The following ANO3 variants were observed in gnomAD, a reference collection of about 807,000 sequenced individuals.
ANO3 encodes anoctamin-3.
Under a neutral mutation model 144.8 loss-of-function variants are expected in ANO3, and 99 were observed. The ratio of observed to expected loss-of-function variants is 0.68; its 90% CI spans 0.58 to 0.81. ANO3 has a LOEUF of 0.81. ANO3 is among the 30% of genes least tolerant of loss of function. The pLI is 0.00. For synonymous variants in ANO3, 414 were observed against 392.6 expected, an observed-to-expected ratio of 1.05 and a Z score of -0.64; for missense variants, 905 against 1,202.2, an observed-to-expected ratio of 0.75 and a Z score of 3.66.
intron 1 of ANO3, among the ~76,000 whole-genome samples, chr11:26,234,200 G>A (rs1852465394): frequency 1.3e-5 from 2 of 152,158 alleles, no homozygotes; most frequent in Admixed American, 6.5e-5. Flanking sequence ...GGTAACCATT[G>A]CGTTTTCCTT....
intron 1 of ANO3, among the ~76,000 whole-genome samples, chr11:26,344,655 C>G (rs974415187): frequency 3.3e-5 from 5 of 151,910 alleles, no homozygotes; most frequent in African/African-American, 1.2e-4. Flanking sequence ...GTGAGCCACC[C>G]CGCCCCACCA....
intron 1 of ANO3, among the ~76,000 whole-genome samples, chr11:26,367,706 T>C (rs1305131816): frequency 6.6e-6 from 1 of 152,182 alleles, no homozygotes; most frequent in South Asian, 2.1e-4. Context: ...TGGCTTGTAG[T>C]TCTGCAGGCT....
chr11:26,278,685 T>C (rs1258152917), intron 1 of ANO3, among the ~76,000 whole-genome samples: 1 of 152,142 alleles, frequency 6.6e-6, no homozygotes. Flanking sequence ...AAACTTCAAA[T>C]ACAAACAGTA....
chr11:26,197,576 C>T (rs1472151560), intron 1 of ANO3, among the ~76,000 whole-genome samples: 1 of 152,082 alleles, frequency 6.6e-6, no homozygotes, highest in Non-Finnish European at 1.5e-5. Context: ...TGGTCTTGAT[C>T]TCCTGACCTT....
chr11:26,193,453 C>T (rs1851518836), intron 1 of ANO3, among the ~76,000 whole-genome samples: 1 of 152,098 alleles, frequency 6.6e-6, no homozygotes, highest in Admixed American at 6.6e-5. Context: ...TTTTGCCTAT[C>T]TTTAGATGAC....
chr11:26,223,656 T>C (rs754744881), intron 1 of ANO3, among the ~76,000 whole-genome samples: 1 of 143,924 alleles, frequency 6.9e-6, no homozygotes, highest in Non-Finnish European at 1.5e-5. Flanking sequence ...AGAAAAGAGG[T>C]TTAATTGGCT....
intron 1 of ANO3, among the ~76,000 whole-genome samples, chr11:26,347,345 A>G (rs1420665355): frequency 6.6e-6 from 1 of 152,230 alleles, no homozygotes; most frequent in Non-Finnish European, 1.5e-5. Flanking sequence ...TTGATTATCA[A>G]AACTATTAAT....
chr11:26,599,095 A>T, intron 16 of ANO3, 97 bp downstream of exon 16: 1 of 1,300,200 alleles, frequency 7.7e-7, no homozygotes, highest in Non-Finnish European at 1.1e-6. Context: ...AGAATGTCAG[A>T]AACCTTATTC....
At chr11:26,419,689 G>T (rs867589217) in intron 1 of ANO3, among the ~76,000 whole-genome samples, 16 of 152,012 alleles carry the variant, frequency 1.1e-4, no homozygotes, top group African/African-American at 3.9e-4. Context: ...GCTAATAAAT[G>T]AATGGAAACA....
At chr11:26,362,972 CAAG>C (rs1855967305) in intron 1 of ANO3, among the ~76,000 whole-genome samples, 2 of 152,230 alleles carry the variant, frequency 1.3e-5, no homozygotes, top group African/African-American at 4.8e-5. Flanking sequence ...ATGTGTCAGT[CAAG>C]AACAAACCAT....
In ANO3 at chr11:26,425,597, A is replaced by G. The variant is rs565448752; in HGVS notation, c.47-16321A>G. 3.3e-5 allele frequency among the ~76,000 whole-genome samples: 5 copies of G among 152,224 alleles called. No individual in the cohort carries two copies. The East Asian group carries it at 9.7e-4, about 29-fold the overall frequency. ...GCTCACACTTATTATGACCCTGATT[A>G]TATTCTGTCTGAAAAGTGAAATTAA... On this transcript the variant is annotated intron_variant, in intron 1 of 26. Coordinates refer to ENST00000256737, the MANE Select transcript of ANO3 (RefSeq NM_031418.4).
At chr11:26,451,058 A>G (rs1858912179) in intron 3 of ANO3, among the ~76,000 whole-genome samples, 1 of 152,228 alleles carries the variant, frequency 6.6e-6, no homozygotes, top group South Asian at 2.1e-4. Context: ...AGTTTTCAAC[A>G]TAAAGCATAC....
In ANO3 at chr11:26,627,854, T is replaced by TGTGTGTGTGTGC. The variant is rs1262119961; in HGVS notation, c.1873+3357_1873+3358insTGTGTGTGTGCG. On this transcript the variant is annotated intron_variant, in intron 18 of 26. Coordinates refer to ENST00000256737, the MANE Select transcript of ANO3 (RefSeq NM_031418.4). Reference sequence around the variant, plus strand: ...GTGTGTGTGTGTGTGTGTGTGTGTGTGCGCCTGACATTATGTTCTGTTTAA... The same window carrying TGTGTGTGTGTGC: ...GTGTGTGTGTGTGTGTGTGTGTGTGTGTGTGTGTGTGCGCGCCTGACATTATGTTCTGTTTAA... 1.0e-4 allele frequency among the ~76,000 whole-genome samples: 14 copies of TGTGTGTGTGTGC among 139,682 alleles called. No individual in the cohort carries two copies. The East Asian group carries it at 1.0e-3, about 10-fold the overall frequency. The allele number at this position is 139,682 out of a possible 152,430, so 91.6% of individuals were successfully genotyped here.
chr11:26,288,913 C>T (rs1035540803), intron 1 of ANO3, among the ~76,000 whole-genome samples: 1 of 152,056 alleles, frequency 6.6e-6, no homozygotes, highest in Admixed American at 6.6e-5. Context: ...AAATTTATTA[C>T]AACTTAGCAC....
At position 26,656,135 on chromosome 11, in the gene ANO3, G is replaced by A. The variant is rs1853681200; in HGVS notation, c.2587G>A (p.Gly863Arg). 1.2e-6 allele frequency: 2 copies of A among 1,612,772 alleles called. No homozygotes were observed. Among genetic ancestry groups the A allele is most frequent in the Non-Finnish European group, 8.5e-7 (1 of 1,179,316 alleles). ...HVEPSENCLK[G>R]YVNNSLSFFD... ...TTTCTTTTCTCCCAGTTGCTTGAAG[G>A]GATATGTCAACAATAGCCTATCCTT... The change falls in exon 25 of 27, where the codon GGA (glycine) becomes AGA (arginine). Residue 863 changes from glycine (G) to arginine (R), a missense_variant. Gly to Arg is a moderately radical substitution (Grantham distance 125). Around this residue, in one of 4 missense-constraint regions of ANO3, gnomAD observed 597 missense variants for 865.1 expected, o/e 0.69. Coordinates refer to ENST00000256737, the MANE Select transcript of ANO3 (RefSeq NM_031418.4).
At chr11:26,417,720 T>C (rs1590342450) in intron 1 of ANO3, among the ~76,000 whole-genome samples, 1 of 152,048 alleles carries the variant, frequency 6.6e-6, no homozygotes, top group South Asian at 2.1e-4. Context: ...GTTTAAAATA[T>C]GATTTTTAAA....
chr11:26,313,238 A>G (rs938274393), intron 1 of ANO3, among the ~76,000 whole-genome samples: 1 of 152,174 alleles, frequency 6.6e-6, no homozygotes, highest in African/African-American at 2.4e-5. Flanking sequence ...TTATTGCACC[A>G]TTGCTGTGAA....
rs7945419 is a variant in ANO3, at chr11:26,342,239, T to G, written c.46+9918T>G. 4.0e-3 allele frequency among the ~76,000 whole-genome samples: 604 copies of G among 152,300 alleles called. 1 individual carries two copies. The highest frequency in any genetic ancestry group is 7.1e-3 in the Non-Finnish European group (482 of 68,022). ...TATGAATATTACCTCCTATAGGGAC[T>G]GCTATATAGTAGGCTAAATGCATGT... On this transcript the variant is annotated intron_variant, in intron 1 of 26. Coordinates refer to ENST00000256737, the MANE Select transcript of ANO3 (RefSeq NM_031418.4).
chr11:26,473,813 C>A (rs568764408), intron 4 of ANO3: 2 of 439,692 alleles, frequency 4.5e-6, no homozygotes, highest in African/African-American at 2.1e-5. Context: ...ATGAAAGCAG[C>A]CCCCTATTCC....
Sources: gnomAD v4.1 joint callset for allele counts (sites outside exome capture counted in the v4.1 genomes callset) on GRCh38, gnomAD v4.1.1 for gene constraint, gnomAD v4.1.1 regional missense constraint, MANE v1.5 for transcripts, NCBI Gene and HGNC (gene_info 2026-07-23, HGNC 2026-07-21) for gene names.